Variants in KIF4A observed in about 807,000 individuals in gnomAD.
KIF4A encodes chromosome-associated kinesin KIF4A.
In KIF4A, 7 loss-of-function variants were observed where a neutral mutation model predicts 105.9. That is an observed-to-expected ratio of 0.07 (90% confidence interval 0.04 to 0.12). KIF4A has a LOEUF of 0.12. KIF4A is among the 10% of genes least tolerant of loss of function. KIF4A has a pLI of 1.00. For synonymous variants in KIF4A, 281 were observed against 331.3 expected (o/e 0.85, Z 1.65); for missense variants, 558 against 929.2 (o/e 0.60, Z 5.19).
intron 10 of KIF4A, 31 bp downstream of exon 10, chrX:70,333,720 A>G (rs753908380): frequency 1.0e-6 from 1 of 970,723 alleles, no homozygotes; most frequent in South Asian, 2.0e-5. Flanking sequence ...TGAATTGTGT[A>G]TTCTAATAGA....
chrX:70,405,863 G>A lies in KIF4A; in HGVS notation c.2934G>A (p.Glu978=). 8.3e-7 allele frequency: 1 copy of A among 1,208,808 alleles called. No individual in the cohort carries two copies. Among genetic ancestry groups the A allele is most frequent in the Non-Finnish European group, 1.1e-6 (1 of 893,073 alleles). The change falls in exon 26 of 31, where the codon GAG becomes GAA. Residue 978 remains glutamate, a synonymous_variant. Transcript: ENST00000374403. Reference sequence around the variant, plus strand: ...TTGAGAAAATGCGAGAAGTGTGTGAGCAAAATCAGCAGCTTCTCCGAGAGA... The same window carrying A: ...TTGAGAAAATGCGAGAAGTGTGTGAACAAAATCAGCAGCTTCTCCGAGAGA... ...EELEKMREVC[E]QNQQLLRENE...
At chrX:70,387,548 A>T (rs1175961544) in intron 20 of KIF4A, among the ~76,000 whole-genome samples, 2 of 111,759 alleles carry the variant, frequency 1.8e-5, no homozygotes, top group East Asian at 5.6e-4. Flanking sequence ...AGTAGAATTG[A>T]CATATTATAA....
chrX:70,351,533 C>T (rs2086030446), intron 13 of KIF4A, among the ~76,000 whole-genome samples: 1 of 110,727 alleles, frequency 9.0e-6, no homozygotes, highest in Admixed American at 9.6e-5. Flanking sequence ...CAGTAGTAGT[C>T]CATGGTGTAT....
At chrX:70,296,961 T>G (rs752224818) in intron 3 of KIF4A, 37 bp from the exon 4 acceptor site, 14 of 1,168,288 alleles carry the variant, frequency 1.2e-5, no homozygotes, top group Middle Eastern at 2.3e-4. Context: ...ATGAAAATGT[T>G]TAAACACCAC....
chrX:70,297,073 C>A lies in KIF4A; in HGVS notation c.311C>A (p.Ala104Glu), dbSNP rs1263584881. The part of the protein sequence containing the change: ...KTYSMGGAYT[A>E]EQENEPTVGV... ...TATTCAATGGGAGGTGCATATACTG[C>A]AGAGCAAGAGAATGAACCAACAGTT... is the stretch of plus-strand genomic sequence containing the variant. The change falls in exon 4 of 31, where the codon GCA becomes GAA. Residue 104 changes from alanine to glutamate, a missense_variant. Physicochemically the swap from Ala to Glu is moderately radical, Grantham distance 107. Around this residue, in one of 2 missense-constraint regions of KIF4A, gnomAD observed 89 missense variants for 248.8 expected, o/e 0.36. Transcript: ENST00000374403. 4 of 1,211,367 alleles carry A rather than the reference C, an allele frequency of 3.3e-6. No individual in the cohort carries two copies. Among genetic ancestry groups the A allele is most frequent in the Admixed American group, 2.2e-5 (1 of 46,052 alleles).
At position 70,360,341 on chromosome X, in the gene KIF4A, A is replaced by G. The variant is rs183663646; in HGVS notation, c.1674+6534A>G. 3.6e-3 allele frequency among the ~76,000 whole-genome samples: 411 copies of G among 112,614 alleles called. 3 individuals are homozygous for G. The highest frequency in any genetic ancestry group is 0.012 in the African/African-American group (388 of 31,053). Reference sequence around the variant, plus strand: ...TCCCAGGGGATTCTGGGATCATGGAAGGTCCTTGAGAAACTCTCTAGTCCT... The same window carrying G: ...TCCCAGGGGATTCTGGGATCATGGAGGGTCCTTGAGAAACTCTCTAGTCCT... On this transcript the variant is annotated intron_variant, in intron 15 of 30. Coordinates refer to ENST00000374403, the MANE Select transcript of KIF4A (RefSeq NM_012310.5).
At chrX:70,410,868 C>T (rs1236963095) in intron 28 of KIF4A, among the ~76,000 whole-genome samples, 1 of 111,773 alleles carries the variant, frequency 8.9e-6, no homozygotes, top group Non-Finnish European at 1.9e-5. Flanking sequence ...TGGTCTAGAA[C>T]AGATTATGTA....
chrX:70,378,972 C>T (rs1256456753), intron 18 of KIF4A, among the ~76,000 whole-genome samples: 12 of 108,315 alleles, frequency 1.1e-4, no homozygotes, highest in African/African-American at 3.4e-4. Flanking sequence ...CTGGCTAACA[C>T]GGTGAAACCC....
intron 18 of KIF4A, among the ~76,000 whole-genome samples, chrX:70,378,868 A>G (rs894556968): frequency 8.1e-5 from 9 of 110,826 alleles, no homozygotes; most frequent in African/African-American, 2.9e-4. Flanking sequence ...AAGAAAAAAA[A>G]AGAGGCCAGG....
intron 3 of KIF4A, among the ~76,000 whole-genome samples, chrX:70,294,477 T>A (rs1020173841): frequency 4.4e-5 from 5 of 112,415 alleles, no homozygotes; most frequent in Admixed American, 9.4e-5. Flanking sequence ...CTGTACATAG[T>A]TGGATGTGCT....
chrX:70,395,149 G>A (rs1329885596), intron 20 of KIF4A, among the ~76,000 whole-genome samples: 6 of 111,787 alleles, frequency 5.4e-5, no homozygotes, highest in African/African-American at 1.9e-4. Context: ...GGGTGGCTGA[G>A]GCACAAGAAT....
chrX:70,364,223 G>A (rs1003585809), intron 15 of KIF4A, among the ~76,000 whole-genome samples: 1 of 111,733 alleles, frequency 8.9e-6, no homozygotes, highest in African/African-American at 3.3e-5. Flanking sequence ...TTCTTTTGCT[G>A]TGCAGAAGCT....
At chrX:70,349,279 G>A (rs1481582546) in intron 13 of KIF4A, among the ~76,000 whole-genome samples, 13 of 87,496 alleles carry the variant, frequency 1.5e-4, no homozygotes, top group South Asian at 1.4e-3. Context: ...GACAATGGGC[G>A]GCTGGGTAGA....
At chrX:70,293,113 A>G (rs1010423597) in intron 3 of KIF4A, among the ~76,000 whole-genome samples, 1 of 112,126 alleles carries the variant, frequency 8.9e-6, no homozygotes, top group Non-Finnish European at 1.9e-5. Context: ...TAGTCATGCC[A>G]GCTGATACCA....
intron 3 of KIF4A, among the ~76,000 whole-genome samples, chrX:70,294,414 A>G (rs1206834691): frequency 1.8e-5 from 2 of 112,924 alleles, no homozygotes; most frequent in Non-Finnish European, 3.7e-5. Context: ...ATGGTATAGT[A>G]TACTAAACAC....
Position 70,347,988 on chromosome X carries a change from G to GAAAAA in KIF4A, c.1431+4008_1431+4009insAAAAA, listed in dbSNP as rs1569238349. On this transcript the variant is annotated intron_variant, in intron 13 of 30. Coordinates refer to ENST00000374403, the MANE Select transcript of KIF4A (RefSeq NM_012310.5). ...AGACTCCGTCTCAAAAAAAAAAAAA[G>GAAAAA]AATGATTTAGTATGTCCTGCACTTG... Among the ~76,000 whole-genome samples the GAAAAA allele has an allele frequency of 2.1e-4, 9 of 43,770 alleles. 1 individual carries two copies. Among genetic ancestry groups the GAAAAA allele is most frequent in the Non-Finnish European group, 1.3e-4 (3 of 23,263 alleles). 38.0% of individuals were successfully genotyped at this position (43,770 alleles called of 115,157 possible).
chrX:70,346,379 T>C (rs2085992678), intron 13 of KIF4A, among the ~76,000 whole-genome samples: 1 of 111,424 alleles, frequency 9.0e-6, no homozygotes, highest in Non-Finnish European at 1.9e-5. Flanking sequence ...AGCTCAGAAA[T>C]AGTGACCCAG....
intron 18 of KIF4A, among the ~76,000 whole-genome samples, chrX:70,386,349 T>G (rs764084226): frequency 9.0e-6 from 1 of 111,319 alleles, no homozygotes; most frequent in South Asian, 3.8e-4. Flanking sequence ...GGCCTCACAT[T>G]CTAGGATATT....
chrX:70,393,634 A>ATTCTTTG (rs941824992), intron 20 of KIF4A, among the ~76,000 whole-genome samples: 1 of 109,999 alleles, frequency 9.1e-6, no homozygotes, highest in Non-Finnish European at 1.9e-5. Flanking sequence ...TCTTGGTAAT[A>ATTCTTTG]TTCTTTGTTC....
Sources: gnomAD v4.1 joint callset for allele counts (sites outside exome capture counted in the v4.1 genomes callset) on GRCh38, gnomAD v4.1.1 for gene constraint, gnomAD v4.1.1 regional missense constraint, MANE v1.5 for transcripts, NCBI Gene and HGNC (gene_info 2026-07-23, HGNC 2026-07-21) for gene names.